The following USP53 variants were observed in gnomAD, a reference collection of about 807,000 sequenced individuals.
The protein encoded by USP53 is ubiquitin specific peptidase 53, also known as ubiquitin carboxyl-terminal hydrolase 53.
In USP53, 71 loss-of-function variants were observed where a neutral mutation model predicts 94.9. The observed-to-expected ratio is 0.75, with a 90% CI of 0.62 to 0.91. The LOEUF (loss-of-function observed/expected upper bound fraction) is 0.91. USP53 is among the 40% of genes least tolerant of loss of function. The pLI is 0.00. For missense variants in USP53, 1,173 were observed against 1,281.0 expected (o/e 0.92, Z 1.29); for synonymous variants, 375 against 422.7 (o/e 0.89, Z 1.39).
At chr4:119,263,854 G>A (rs372276345) in intron 12 of USP53, among the ~76,000 whole-genome samples, 38 of 152,174 alleles carry the variant, frequency 2.5e-4, no homozygotes, top group East Asian at 3.9e-4. Flanking sequence ...GGCAGATCAC[G>A]AGGTCAAGAG....
At chr4:119,221,523 A>C (rs551076546) in intron 3 of USP53, 1 of 152,160 alleles carries the variant, frequency 6.6e-6, no homozygotes, top group African/African-American at 2.4e-5. Context: ...AGGAGCCACC[A>C]GGGGAAGATA....
In USP53 at chr4:119,291,271, T is replaced by G. The variant is rs749557107; in HGVS notation, c.2348+10T>G. 1 of 486,168 alleles carries G rather than the reference T, an allele frequency of 2.1e-6. No individual in the cohort carries two copies. The highest frequency in any genetic ancestry group is 2.2e-5 in the South Asian group (1 of 44,964). 30.1% of individuals were successfully genotyped at this position (486,168 alleles called of 1,614,324 possible). A position where few individuals can be genotyped will look rare whatever the true frequency, so the allele number is the denominator to read the frequency against. ...ATCATTTGATAAAAAGGTAACCATA[T>G]TTTTTTTCCCTAAATACATGTATTA... On this transcript the variant is annotated intron_variant, in intron 18 of 18. Coordinates refer to ENST00000692078, the MANE Select transcript of USP53 (RefSeq NM_001371395.1).
Position 119,256,320 on chromosome 4 carries a change from T to C in USP53, c.447T>C (p.Cys149=), listed in dbSNP as rs2149373536. Residue 149 remains cysteine, a synonymous_variant, in exon 8 of 19, where the codon TGT becomes TGC. Coordinates refer to ENST00000692078, the MANE Select transcript of USP53 (RefSeq NM_001371395.1). ...CAGACATGTGTACCTCTAAATCTTGTATCACTCACCAGAAGTTTGCTATGA... is the reference window on the plus strand; with the variant it reads ...CAGACATGTGTACCTCTAAATCTTGCATCACTCACCAGAAGTTTGCTATGA... ...RDADMCTSKS[C]ITHQKFAMTL... 1 of 1,614,042 alleles carries C rather than the reference T, an allele frequency of 6.2e-7. No individual in the cohort carries two copies. The highest frequency in any genetic ancestry group is 8.5e-7 in the Non-Finnish European group (1 of 1,179,988).
In USP53 at chr4:119,291,156, C is replaced by CCCCCCCA; in HGVS notation, c.2252-9_2252-8insCCCCCCA. 7.7e-7 allele frequency: 1 copy of CCCCCCCA among 1,306,172 alleles called. No individual in the cohort carries two copies. Among genetic ancestry groups the CCCCCCCA allele is most frequent in the Non-Finnish European group, 1.0e-6 (1 of 954,506 alleles). The allele number at this position is 1,306,172 out of a possible 1,614,324, so 80.9% of individuals were successfully genotyped here. ...CCTCATCTCTTCTCCCCACCCCACC[C>CCCCCCCA]AACCCTAGGCTTTAGAAAAGAACTC... On this transcript the variant is annotated splice_polypyrimidine_tract_variant and intron_variant, in intron 17 of 18. Coordinates refer to ENST00000692078, the MANE Select transcript of USP53 (RefSeq NM_001371395.1).
At chr4:119,280,047 A>T (rs1307949259) in intron 17 of USP53, among the ~76,000 whole-genome samples, 2 of 152,148 alleles carry the variant, frequency 1.3e-5, no homozygotes, top group Non-Finnish European at 2.9e-5. Context: ...GGAAATGCAG[A>T]AATCACCCGT....
Position 119,279,339 on chromosome 4 carries a change from T to G in USP53, c.2251+5631T>G, listed in dbSNP as rs1346631267. ...CTAACAGACAGGACCCTCAGCTGCA[T>G]GTCTGTTGGAGTACCCTGCCGTGTG... On this transcript the variant is annotated intron_variant, in intron 17 of 18. Transcript: ENST00000692078. Among the ~76,000 whole-genome samples, 126 of 147,692 alleles carry G rather than the reference T, an allele frequency of 8.5e-4. 3 individuals carry two copies. In the Middle Eastern group the frequency reaches 0.01, roughly 12 times the overall value.
chr4:119,247,675 C>T (rs1322291560), intron 6 of USP53, among the ~76,000 whole-genome samples: 3 of 152,114 alleles, frequency 2.0e-5, no homozygotes, highest in African/African-American at 7.2e-5. Flanking sequence ...CAATGCCTAA[C>T]ATATACGAGG....
intron 12 of USP53, among the ~76,000 whole-genome samples, chr4:119,262,833 C>T (rs924534514): frequency 3.3e-5 from 5 of 152,080 alleles, no homozygotes; most frequent in South Asian, 2.1e-4. Flanking sequence ...ATTGGAATCA[C>T]GAGGAGCTTT....
chr4:119,232,735 A>C (rs1222847463), intron 3 of USP53, among the ~76,000 whole-genome samples: 1 of 152,140 alleles, frequency 6.6e-6, no homozygotes, highest in African/African-American at 2.4e-5. Context: ...TCTGTTTGCT[A>C]GCATTTTATT....
intron 3 of USP53, among the ~76,000 whole-genome samples, chr4:119,226,914 A>G (rs965870887): frequency 2.0e-5 from 3 of 152,070 alleles, no homozygotes; most frequent in Non-Finnish European, 4.4e-5. Flanking sequence ...GCTCACTGCA[A>G]CCTCTACCTT....
In USP53 at chr4:119,292,732, CT is replaced by C; in HGVS notation, c.2749del (p.Cys917AlafsTer15). 1 of 1,613,948 alleles carries C rather than the reference CT, an allele frequency of 6.2e-7. No individual in the cohort carries two copies. Among genetic ancestry groups the C allele is most frequent in the Non-Finnish European group, 8.5e-7 (1 of 1,179,952 alleles). On this transcript the variant is annotated frameshift_variant, in exon 19 of 19. Transcript: ENST00000692078. LOFTEE classifies it low-confidence loss of function (END_TRUNC). ...SRSDGCQMPK[L>X]FCQNLPPPLP... The stretch of plus-strand genomic sequence containing the variant: ...ATCTGATGGGTGTCAGATGCCAAAA[CT>C]TTTTTGCCAGAATCTACCACCCCCT...
chr4:119,274,447 A>G (rs893634396), intron 17 of USP53, among the ~76,000 whole-genome samples: 4 of 152,052 alleles, frequency 2.6e-5, no homozygotes, highest in Non-Finnish European at 4.4e-5. Context: ...TTATGGCTGC[A>G]TAGTATTCCA....
chr4:119,256,642 A>G (rs1305831376), intron 9 of USP53, 119 bp downstream of exon 9: 4 of 1,027,036 alleles, frequency 3.9e-6, no homozygotes, highest in African/African-American at 1.6e-5. Flanking sequence ...GAGGCTACCA[A>G]GTATGCTGCT....
At chr4:119,219,628 T>G (rs1029799885) in intron 3 of USP53, 5 of 152,274 alleles carry the variant, frequency 3.3e-5, no homozygotes, top group African/African-American at 1.2e-4. Flanking sequence ...CAGACCATTC[T>G]AGTAGCCTGA....
At chr4:119,262,899 G>C (rs566797479) in intron 12 of USP53, among the ~76,000 whole-genome samples, 2 of 152,310 alleles carry the variant, frequency 1.3e-5, no homozygotes, top group African/African-American at 4.8e-5. Flanking sequence ...TGTAAAGCCA[G>C]GTATCTGAAA....
chr4:119,287,648 CGGG>C (rs1342251978), intron 17 of USP53, among the ~76,000 whole-genome samples: 3 of 151,942 alleles, frequency 2.0e-5, no homozygotes, highest in Non-Finnish European at 4.4e-5. Context: ...ACTAAAAATA[CGGG>C]AGAATGCAGA....
Position 119,294,593 on chromosome 4 carries a change from A to G in USP53, c.*1382A>G, listed in dbSNP as rs575998655. ...ACTAAAGTTTTCCTTACATTGCTAAATGGATAAACCTCATATTCAATAAAC... is the reference window on the plus strand; with the variant it reads ...ACTAAAGTTTTCCTTACATTGCTAAGTGGATAAACCTCATATTCAATAAAC... On this transcript the variant is annotated 3_prime_UTR_variant, in exon 19 of 19. Transcript: ENST00000692078. 1.3e-5 allele frequency: 2 copies of G among 152,272 alleles called. No individual in the cohort carries two copies. Among genetic ancestry groups the G allele is most frequent in the South Asian group, 2.1e-4 (1 of 4,834 alleles). 9.4% of individuals were successfully genotyped at this position (152,272 alleles called of 1,614,324 possible).
At chr4:119,243,101 A>C (rs1747761382) in intron 5 of USP53, among the ~76,000 whole-genome samples, 1 of 152,252 alleles carries the variant, frequency 6.6e-6, no homozygotes, top group African/African-American at 2.4e-5. Flanking sequence ...AAATTGCTAC[A>C]TGCAAATAAC....
intron 5 of USP53, among the ~76,000 whole-genome samples, chr4:119,244,653 G>T (rs1056073305): frequency 6.6e-6 from 1 of 152,134 alleles, no homozygotes; most frequent in South Asian, 2.1e-4. Flanking sequence ...TTTTCAGAAT[G>T]ATTTTAAGTA....
Sources: allele counts gnomAD v4.1 joint callset (sites outside exome capture counted in the v4.1 genomes callset), GRCh38; gene constraint gnomAD v4.1.1; transcripts MANE v1.5; gene names NCBI Gene and HGNC (gene_info 2026-07-23, HGNC 2026-07-21).